The following TENM4 variants were observed in gnomAD, a reference collection of about 807,000 sequenced individuals.
TENM4 encodes the protein teneurin transmembrane protein 4, also known as teneurin-4.
In TENM4, 82 loss-of-function variants were observed where a neutral mutation model predicts 243.3. That is an observed-to-expected ratio of 0.34 (90% CI 0.28 to 0.40). TENM4 has a LOEUF of 0.40. TENM4 is among the 10% of genes least tolerant of loss of function. The pLI is 1.00. For missense variants in TENM4, 3,138 were observed against 3,673.3 expected (o/e 0.85, Z 3.77); for synonymous variants, 1,412 against 1,456.3 (o/e 0.97, Z 0.69).
chr11:78,867,464 T>C (rs1591083880), intron 9 of TENM4, among the ~76,000 whole-genome samples: 1 of 152,114 alleles, frequency 6.6e-6, no homozygotes, highest in South Asian at 2.1e-4. Context: ...GTTAGGCAGG[T>C]GGTTAATTCT....
chr11:79,429,042 C>T (rs529567722), intron 1 of TENM4, among the ~76,000 whole-genome samples: 1 of 152,138 alleles, frequency 6.6e-6, no homozygotes, highest in Non-Finnish European at 1.5e-5. Flanking sequence ...TTCTAATGCA[C>T]CGCCAGGGTC....
intron 3 of TENM4, among the ~76,000 whole-genome samples, chr11:79,169,745 T>C (rs1311601241): frequency 1.3e-5 from 2 of 152,196 alleles, no homozygotes; most frequent in African/African-American, 2.4e-5. Flanking sequence ...AAAAGAGATA[T>C]GTTCAGAACA....
intron 6 of TENM4, among the ~76,000 whole-genome samples, chr11:79,015,952 G>A (rs1858763670): frequency 6.6e-6 from 1 of 152,152 alleles, no homozygotes. Flanking sequence ...AAAGTGGGTG[G>A]AAGAGCATTC....
chr11:79,006,951 T>C (rs1055558010), intron 6 of TENM4, among the ~76,000 whole-genome samples: 1 of 152,184 alleles, frequency 6.6e-6, no homozygotes, highest in Non-Finnish European at 1.5e-5. Context: ...CCCTCCTTCA[T>C]GTAGGTGGCC....
At chr11:79,394,375 G>A (rs1269773995) in intron 1 of TENM4, among the ~76,000 whole-genome samples, 2 of 152,174 alleles carry the variant, frequency 1.3e-5, no homozygotes, top group Non-Finnish European at 2.9e-5. Context: ...ATATGAGTTG[G>A]AAGTCCCAGC....
At chr11:78,722,629 T>G in intron 24 of TENM4, 39 bp downstream of exon 24, 2 of 1,593,796 alleles carry the variant, frequency 1.3e-6, no homozygotes, top group Non-Finnish European at 1.7e-6. Context: ...GGCAAAGGCA[T>G]ATTATTAGGA....
chr11:79,143,323 A>G (rs1282600296), intron 4 of TENM4, among the ~76,000 whole-genome samples: 5 of 152,164 alleles, frequency 3.3e-5, no homozygotes, highest in Admixed American at 1.3e-4. Context: ...TGGCACATAT[A>G]CACCATGGAA....
At chr11:79,122,309 G>A (rs1014509315) in intron 4 of TENM4, among the ~76,000 whole-genome samples, 5 of 152,244 alleles carry the variant, frequency 3.3e-5, no homozygotes, top group East Asian at 1.9e-4. Flanking sequence ...TATATTTGTC[G>A]GGCACTGTTA....
In TENM4 at chr11:79,219,946, G is replaced by T. The variant is rs559032310; in HGVS notation, c.-264-4037C>A. Among the ~76,000 whole-genome samples, 12 of 152,354 alleles carry T rather than the reference G, an allele frequency of 7.9e-5. No homozygotes were observed. The South Asian group carries it at 2.5e-3, about 32-fold the overall frequency. On this transcript the variant is annotated intron_variant, in intron 2 of 33. Coordinates refer to ENST00000278550, the MANE Select transcript of TENM4 (RefSeq NM_001098816.3). ...AACACTGACTGCAGAGAACTGCAAA[G>T]GTAGCAGGAAACCACCCTCCTCTCT... is the stretch of plus-strand genomic sequence containing the variant.
rs1859417044 is a variant in TENM4 at position 78,712,341 on chromosome 11, G to A, written c.4054+141C>T. On this transcript the variant is annotated intron_variant, in intron 26 of 33. Coordinates refer to ENST00000278550, the MANE Select transcript of TENM4 (RefSeq NM_001098816.3). ...TAACTGGGAGTATTTCTGGCAGGTG[G>A]AATTATCACAGTTTTTACCATCCTC... The A allele has an allele frequency of 5.8e-6, 4 of 693,336 alleles. No individual in the cohort carries two copies. The South Asian group carries it at 7.9e-5, about 14-fold the overall frequency. The allele number at this position is 693,336 out of a possible 1,614,324, so 42.9% of individuals were successfully genotyped here.
In TENM4 at chr11:79,408,826, C is replaced by T. The variant is rs986334508; in HGVS notation, c.-321+31683G>A. ...ATGCCAGGAGTTGAGAAGGGCAGCT[C>T]TTTTCCCAGCACCCATCAGGTGGTA... On this transcript the variant is annotated intron_variant, in intron 1 of 33. Coordinates refer to ENST00000278550, the MANE Select transcript of TENM4 (RefSeq NM_001098816.3). Among the ~76,000 whole-genome samples, 15 of 152,262 alleles carry T rather than the reference C, an allele frequency of 9.9e-5. 1 individual carries two copies. Among genetic ancestry groups the T allele is most frequent in the Admixed American group, 8.5e-4 (13 of 15,298 alleles).
chr11:78,802,483 G>C (rs1308044252), intron 15 of TENM4, among the ~76,000 whole-genome samples: 1 of 152,226 alleles, frequency 6.6e-6, no homozygotes, highest in Non-Finnish European at 1.5e-5. Flanking sequence ...CAGTTGAAAT[G>C]CCCTCATTCT....
intron 6 of TENM4, among the ~76,000 whole-genome samples, chr11:79,038,375 C>T (rs1368291738): frequency 6.6e-6 from 1 of 152,222 alleles, no homozygotes; most frequent in Non-Finnish European, 1.5e-5. Context: ...AACTCCTCCT[C>T]TGGGACTCTG....
At chr11:79,091,949 A>G (rs967650140) in intron 4 of TENM4, among the ~76,000 whole-genome samples, 4 of 151,922 alleles carry the variant, frequency 2.6e-5, no homozygotes, top group African/African-American at 9.7e-5. Context: ...ATCCTCCAGG[A>G]GCTTCCTTAG....
At chr11:78,733,576 C>G (rs1400398698) in intron 20 of TENM4, among the ~76,000 whole-genome samples, 1 of 152,212 alleles carries the variant, frequency 6.6e-6, no homozygotes, top group Non-Finnish European at 1.5e-5. Flanking sequence ...CATCTTAACT[C>G]CAATCACCTG....
At chr11:78,670,818 C>A (rs1357188776) in intron 31 of TENM4, among the ~76,000 whole-genome samples, 3 of 152,206 alleles carry the variant, frequency 2.0e-5, no homozygotes, top group Non-Finnish European at 2.9e-5. Context: ...CTACCTGGGG[C>A]CTAGGCCTCC....
chr11:78,861,899 C>T (rs185221673), intron 10 of TENM4, among the ~76,000 whole-genome samples: 37 of 152,294 alleles, frequency 2.4e-4, no homozygotes, highest in Admixed American at 3.9e-4. Context: ...GAGAAGGGAA[C>T]GCCACACTGC....
intron 6 of TENM4, among the ~76,000 whole-genome samples, chr11:79,047,231 C>T (rs1859679773): frequency 6.6e-6 from 1 of 152,178 alleles, no homozygotes; most frequent in South Asian, 2.1e-4. Context: ...TTGAATTCCC[C>T]CTCCCTCCAC....
chr11:78,834,287 T>C (rs1228378885), intron 12 of TENM4, among the ~76,000 whole-genome samples: 1 of 152,224 alleles, frequency 6.6e-6, no homozygotes, highest in Non-Finnish European at 1.5e-5. Flanking sequence ...TTTTCTTTCA[T>C]ATCTTGACAG....
Sources: allele counts gnomAD v4.1 joint callset (sites outside exome capture counted in the v4.1 genomes callset), GRCh38; gene constraint gnomAD v4.1.1; transcripts MANE v1.5; gene names NCBI Gene and HGNC (gene_info 2026-07-23, HGNC 2026-07-21).